The following LACTBL1 variants were observed in gnomAD, a reference collection of about 807,000 sequenced individuals.
The protein encoded by LACTBL1 is lactamase beta like 1.
Under a neutral mutation model 39.6 loss-of-function variants are expected in LACTBL1, and 29 were observed. That is an observed-to-expected ratio of 0.73 (90% CI 0.55 to 1.00). The LOEUF is 1.00. LACTBL1 is among the 50% of genes least tolerant of loss of function. The probability of loss-of-function intolerance (pLI) is 0.00; values close to 1 mark genes in which losing one functional copy is unlikely to be tolerated. For missense variants in LACTBL1, 711 were observed against 748.5 expected (o/e 0.95, Z 0.59); for synonymous variants, 361 against 360.7 (o/e 1.00, Z -0.01).
upstream of LACTBL1, chr1:22,965,364 C>A: frequency 2.4e-6 from 3 of 1,274,948 alleles, no homozygotes; most frequent in South Asian, 3.0e-5. Context: ...GCAGAAGAAG[C>A]TGCAGATGGC....
chr1:22,972,129 C>T, the LACTBL1 span, among the ~76,000 whole-genome samples: 1 of 150,548 alleles, frequency 6.6e-6, no homozygotes, highest in South Asian at 2.1e-4. Flanking sequence ...CCTGCAGGTG[C>T]AAGCTCTAGA....
chr1:22,970,417 G>C, the LACTBL1 span, among the ~76,000 whole-genome samples: 1 of 152,160 alleles, frequency 6.6e-6, no homozygotes, highest in African/African-American at 2.4e-5. Flanking sequence ...GATAGGAACA[G>C]AAAACAACTC....
upstream of LACTBL1, among the ~76,000 whole-genome samples, chr1:22,968,064 T>C (rs144985475): frequency 7.3e-4 from 111 of 152,350 alleles, no homozygotes; most frequent in African/African-American, 2.6e-3. Flanking sequence ...TCTTTTACTA[T>C]GTGTTTATGT....
exon 6 of LACTBL1, chr1:22,953,941 A>T (rs1421123554): frequency 4.1e-5 from 63 of 1,550,078 alleles, no homozygotes; most frequent in Non-Finnish European, 4.7e-5. Context: ...GTTCTCCGAG[A>T]CCCAGCGCTG....
At chr1:22,972,324 A>G in the LACTBL1 span, 732 of 985,118 alleles carry the variant, frequency 7.4e-4, no homozygotes, top group Non-Finnish European at 8.0e-4. Flanking sequence ...CATTCTCTCC[A>G]AGGCATGGAA....
At chr1:22,953,987 G>A in exon 6 of LACTBL1, 1 of 1,545,256 alleles carries the variant, frequency 6.5e-7, no homozygotes, top group South Asian at 1.2e-5. Flanking sequence ...GCCAGGACGT[G>A]GGCCAGGAGC....
At chr1:22,956,386 A>G (rs1640762246) in intron 4 of LACTBL1, among the ~76,000 whole-genome samples, 1 of 151,912 alleles carries the variant, frequency 6.6e-6, no homozygotes, top group East Asian at 1.9e-4. Context: ...GGAGAAGGAG[A>G]AGGAGAAAGA....
chr1:22,953,779 G>C, exon 6 of LACTBL1: 1 of 1,511,920 alleles, frequency 6.6e-7, no homozygotes, highest in Non-Finnish European at 8.9e-7. Flanking sequence ...CAGGTCGGCG[G>C]CGGTAGAGTA....
chr1:22,958,567 T>C (rs1276078699), intron 4 of LACTBL1, 118 bp downstream of exon 6: 2 of 792,434 alleles, frequency 2.5e-6, no homozygotes, highest in African/African-American at 1.7e-5. Flanking sequence ...GAGAGGGACG[T>C]AGGGCCAGTT....
chr1:22,958,786 G>A (rs1398906409), exon 4 of LACTBL1: 5 of 1,550,674 alleles, frequency 3.2e-6, no homozygotes, highest in Middle Eastern at 1.7e-4. Flanking sequence ...TTCGGCTGAT[G>A]CCAGGCCCAG....
chr1:22,959,420 A>G (rs1354201211), intron 3 of LACTBL1, among the ~76,000 whole-genome samples: 1 of 152,232 alleles, frequency 6.6e-6, no homozygotes, highest in East Asian at 1.9e-4. Context: ...ATTTAAATGC[A>G]ATTCCCTCAG....
chr1:22,959,866 T>C, intron 3 of LACTBL1, 76 bp downstream of exon 5: 1 of 1,491,920 alleles, frequency 6.7e-7, no homozygotes, highest in Non-Finnish European at 9.1e-7. Flanking sequence ...TTCTCTTCAG[T>C]ATCCTTACCT....
intron 1 of LACTBL1, among the ~76,000 whole-genome samples, chr1:22,965,034 C>A (rs1404509682): frequency 6.6e-6 from 1 of 152,158 alleles, no homozygotes; most frequent in Non-Finnish European, 1.5e-5. Context: ...ATTTTACCCC[C>A]AAACTGGGTG....
At chr1:22,966,782 C>T (rs1443099783), upstream of LACTBL1, among the ~76,000 whole-genome samples, 3 of 152,136 alleles carry the variant, frequency 2.0e-5, no homozygotes, top group African/African-American at 7.2e-5. Context: ...TTCACCCCCT[C>T]CTCCTTCTCT....
upstream of LACTBL1, among the ~76,000 whole-genome samples, chr1:22,965,719 C>T (rs902998178): frequency 6.6e-6 from 1 of 152,188 alleles, no homozygotes; most frequent in Non-Finnish European, 1.5e-5. Context: ...CTTTCCTCAA[C>T]TCTCCTGTAT....
exon 6 of LACTBL1, chr1:22,953,799 C>T: frequency 1.3e-6 from 2 of 1,544,608 alleles, no homozygotes; most frequent in Non-Finnish European, 1.7e-6. Flanking sequence ...ACATCTGGCC[C>T]GACGGCCGGT....
rs116228955 is a variant in LACTBL1, at chr1:22,954,630, A to G, written c.660-606T>C. Among the ~76,000 whole-genome samples the G allele has an allele frequency of 4.5e-3, 692 of 152,338 alleles. 5 individuals carry two copies. The highest frequency in any genetic ancestry group is 0.016 in the African/African-American group (659 of 41,576). ...TTAGTTAGATGAGTTTCACAGAGAT[A>G]AAGTGCACCACCCAAGGTCACATTG... On this transcript the variant is annotated intron_variant, in intron 5 of 5. Coordinates refer to ENST00000426928, the Ensembl canonical transcript of LACTBL1.
intron 4 of LACTBL1, among the ~76,000 whole-genome samples, chr1:22,956,953 C>T (rs1479173320): frequency 6.6e-6 from 1 of 152,050 alleles, no homozygotes; most frequent in East Asian, 1.9e-4. Context: ...CTAGAGGCAA[C>T]CTAATGTTTC....
At position 22,954,861 on chromosome 1, in the gene LACTBL1, C is replaced by T. The variant is rs569020279; in HGVS notation, c.659+460G>A. Among the ~76,000 whole-genome samples, 807 of 152,314 alleles carry T rather than the reference C, an allele frequency of 5.3e-3. 7 individuals are homozygous for T. The highest frequency in any genetic ancestry group is 8.1e-3 in the Non-Finnish European group (554 of 68,026). On this transcript the variant is annotated intron_variant, in intron 5 of 5. Coordinates refer to ENST00000426928, the Ensembl canonical transcript of LACTBL1. ...CCTGAAGCTGGGGAGTGCCAGCTGT[C>T]CTCTGTCCAGCCCCACAGCCCCACT...
Sources: allele counts gnomAD v4.1 joint callset (sites outside exome capture counted in the v4.1 genomes callset), GRCh38; gene constraint gnomAD v4.1.1; transcripts MANE v1.5; gene names NCBI Gene and HGNC (gene_info 2026-07-23, HGNC 2026-07-21).